SPRED3: variants seen among roughly 807,000 people sequenced by gnomAD.
The protein encoded by SPRED3 is sprouty-related, EVH1 domain-containing protein 3.
In SPRED3, 23 loss-of-function variants were observed where a neutral mutation model predicts 37.6. The observed-to-expected ratio is 0.61, with a 90% CI of 0.44 to 0.87. The LOEUF (loss-of-function observed/expected upper bound fraction) is 0.87, where lower values mean the gene tolerates loss of function less well. SPRED3 is among the 40% of genes least tolerant of loss of function. The pLI, the probability that SPRED3 is intolerant of heterozygous loss-of-function variation, is 0.00. For synonymous variants in SPRED3, 302 were observed against 279.6 expected, an observed-to-expected ratio of 1.08 and a Z score of -0.80; for missense variants, 584 against 618.6, an observed-to-expected ratio of 0.94 and a Z score of 0.59.
At position 38,396,138 on chromosome 19, in the gene SPRED3, C is replaced by A. The variant is rs1300125268; in HGVS notation, c.1226C>A (p.Ala409Glu). The stretch of plus-strand genomic sequence containing the variant: ...TGCGGGGGTCGCCACGAGGAGGCTG[C>A]GCGGTGAGGACGGCCTGGTGGGTCC... ...AGCGGRHEEA[A>E]R The change falls in exon 6 of 6, where the codon GCG (alanine) becomes GAG (glutamate). Residue 409 changes from alanine to glutamate, a missense_variant. Physicochemically the swap from Ala to Glu is moderately radical, Grantham distance 107. Around this residue, in one of 7 missense-constraint regions of SPRED3, gnomAD observed 85 missense variants for 117.8 expected, o/e 0.72. Coordinates refer to ENST00000691638, the MANE Select transcript of SPRED3 (RefSeq NM_001394336.1). 4 of 1,275,966 alleles carry A rather than the reference C, an allele frequency of 3.1e-6. No homozygotes were observed. The highest frequency in any genetic ancestry group is 3.9e-6 in the Non-Finnish European group (4 of 1,014,268). 79.0% of individuals were successfully genotyped at this position (1,275,966 alleles called of 1,614,324 possible). A position where few individuals can be genotyped will look rare whatever the true frequency, so the allele number is the denominator to read the frequency against.
At position 38,398,028 on chromosome 19, in the gene SPRED3, T is replaced by G. The variant is rs145804690; in HGVS notation, c.*1883T>G. 19 of 152,338 alleles carry G rather than the reference T, an allele frequency of 1.2e-4. No individual in the cohort carries two copies. In the East Asian group the frequency reaches 1.9e-3, roughly 15 times the overall value. The allele number at this position is 152,338 out of a possible 1,614,324, so 9.4% of individuals were successfully genotyped here. The stretch of plus-strand genomic sequence containing the variant: ...CACACAGCCCAGGGTTTCGAGGAGC[T>G]GGAAGTCACACCAGTCTGCTGGCCA... On this transcript the variant is annotated 3_prime_UTR_variant, in exon 6 of 6. Transcript: ENST00000691638.
intron 2 of SPRED3, 36 bp downstream of exon 2, chr19:38,390,515 C>T: frequency 3.1e-6 from 4 of 1,302,172 alleles, no homozygotes; most frequent in East Asian, 6.3e-5. Flanking sequence ...AGGGTAGGGA[C>T]CTGGGGAGGG....
intron 1 of SPRED3, chr19:38,389,643 A>C (rs1970800018): frequency 6.6e-6 from 1 of 151,880 alleles, no homozygotes; most frequent in South Asian, 2.1e-4. Flanking sequence ...CCCGTTTCTG[A>C]CTTCCTCTGC....
At position 38,394,467 on chromosome 19, in the gene SPRED3, G is replaced by A. The variant is rs1970868731; in HGVS notation, c.424-176G>A. 2.7e-6 allele frequency: 4 copies of A among 1,492,094 alleles called. No individual in the cohort carries two copies. In the Admixed American group the frequency reaches 5.0e-5, roughly 19 times the overall value. The allele number at this position is 1,492,094 out of a possible 1,614,324, so 92.4% of individuals were successfully genotyped here. A position where few individuals can be genotyped will look rare whatever the true frequency, so the allele number is the denominator to read the frequency against. On this transcript the variant is annotated intron_variant, in intron 4 of 5. Transcript: ENST00000691638. ...CCGTTTTACAGAGGAGGAAACTGAG[G>A]CTCAAAGAGGTGAGCTCACTTGCCG...
intron 1 of SPRED3, chr19:38,390,071 G>A (rs1047908870): frequency 2.5e-6 from 1 of 396,558 alleles, no homozygotes; most frequent in Non-Finnish European, 4.5e-6. Context: ...GGCAGACATG[G>A]AGAAGAAGAT....
Position 38,394,805 on chromosome 19 carries a change from G to C in SPRED3, c.567+19G>C. On this transcript the variant is annotated intron_variant, in intron 5 of 5. Coordinates refer to ENST00000691638, the MANE Select transcript of SPRED3 (RefSeq NM_001394336.1). ...CGCTCAGGTGCGACCTGGGAGCCTG[G>C]GGCTCCTGGGGGAATGGGGCGGTGC... is the stretch of plus-strand genomic sequence containing the variant. 6.5e-7 allele frequency: 1 copy of C among 1,531,234 alleles called. No individual in the cohort carries two copies. Among genetic ancestry groups the C allele is most frequent in the Non-Finnish European group, 8.8e-7 (1 of 1,141,782 alleles). 94.9% of individuals were successfully genotyped at this position (1,531,234 alleles called of 1,614,324 possible).
chr19:38,395,624 G>T lies in SPRED3; in HGVS notation c.712G>T (p.Val238Phe). ...CGCGCCCCTCGCCCTGTCCACCTGC[G>T]TCGTGCGCTTCGCCAAGACCGGCGC... ...PPAPLALSTCVVRFAKTGALR... is the reference protein window; with the variant it reads ...PPAPLALSTCFVRFAKTGALR... The change falls in exon 6 of 6, where the codon GTC becomes TTC. Residue 238 changes from valine to phenylalanine, a missense_variant. By Grantham distance (50) the Val-to-Phe change is conservative. This residue lies in a region of SPRED3 where 310 missense variants were observed against 281.1 expected (regional missense o/e 1.10). Transcript: ENST00000691638. This position sits in a 1 kb window ranked among gnomAD's most constrained non-coding sequence, Gnocchi z 5.2. 6.5e-7 allele frequency: 1 copy of T among 1,545,558 alleles called. No individual in the cohort carries two copies. The highest frequency in any genetic ancestry group is 1.2e-5 in the South Asian group (1 of 83,814).
In SPRED3 at chr19:38,390,428, G is replaced by A. The variant is rs747965300; in HGVS notation, c.126G>A (p.Gly42=). The change falls in exon 2 of 6, where the codon GGG becomes GGA. Residue 42 remains glycine (G), a synonymous_variant. Transcript: ENST00000691638. ...CRVRGARPEG[G]ARQGHYVIHG... ...TCCGAGGGGCCAGGCCCGAGGGGGG[G>A]GCCCGCCAGGGGCACTACGTCATCC... is the stretch of plus-strand genomic sequence containing the variant. 6 of 1,404,068 alleles carry A rather than the reference G, an allele frequency of 4.3e-6. No homozygotes were observed. Among genetic ancestry groups the A allele is most frequent in the Non-Finnish European group, 5.6e-6 (6 of 1,076,348 alleles). The allele number at this position is 1,404,068 out of a possible 1,614,324, so 87.0% of individuals were successfully genotyped here. A position where few individuals can be genotyped will look rare whatever the true frequency, so the allele number is the denominator to read the frequency against.
intron 5 of SPRED3, 39 bp downstream of exon 5, chr19:38,394,825 C>A: frequency 6.7e-7 from 1 of 1,500,810 alleles, no homozygotes. Flanking sequence ...GGGAATGGGG[C>A]GGTGCACTCG....
intron 2 of SPRED3, among the ~76,000 whole-genome samples, chr19:38,390,808 T>C: frequency 1.4e-5 from 1 of 71,940 alleles, no homozygotes; most frequent in African/African-American, 5.5e-5. Flanking sequence ...CCTCCTCTGC[T>C]CAAAACCCTC....
Position 38,388,791 on chromosome 19 carries a change from C to A in SPRED3, c.-21C>A. The A allele has an allele frequency of 2.5e-6, 1 of 398,202 alleles. No homozygotes were observed. The highest frequency in any genetic ancestry group is 4.4e-6 in the Non-Finnish European group (1 of 225,796). The allele number at this position is 398,202 out of a possible 1,614,324, so 24.7% of individuals were successfully genotyped here. A position where few individuals can be genotyped will look rare whatever the true frequency, so the allele number is the denominator to read the frequency against. ...GGCCGCGTCGCCGCCGCTCGGAGCC[C>A]GGCCGGAGCCTCGCAGGCAGGTGCC... On this transcript the variant is annotated 5_prime_UTR_variant, in exon 1 of 6. Coordinates refer to ENST00000691638, the MANE Select transcript of SPRED3 (RefSeq NM_001394336.1).
At chr19:38,390,040 A>C in intron 1 of SPRED3, 3 of 326,284 alleles carry the variant, frequency 9.2e-6, no homozygotes, top group Non-Finnish European at 1.1e-5. Flanking sequence ...AGATGGGGGA[A>C]AGGTGGGTAC....
chr19:38,390,259 A>G, intron 1 of SPRED3, 40 bp from the exon 2 acceptor site: 1 of 1,329,856 alleles, frequency 7.5e-7, no homozygotes, highest in Non-Finnish European at 9.7e-7. Flanking sequence ...GTTTGAGCTC[A>G]TGACTGTGTT....
Position 38,390,385 on chromosome 19 carries a change from A to G in SPRED3, c.83A>G (p.Gln28Arg). ...CCTGTGGGGGGCGGGGGCCTCAGCC[A>G]GGTGAGCGTGTGTCGGGTCCGAGGG... Reference protein sequence around the residue: ...WLPVGGGGLSQVSVCRVRGAR... With the variant: ...WLPVGGGGLSRVSVCRVRGAR... Residue 28 changes from glutamine to arginine, a missense_variant, in exon 2 of 6, where the codon CAG (glutamine) becomes CGG (arginine). By Grantham distance (43) the Gln-to-Arg change is conservative (BLOSUM62 1). This residue lies in a region of SPRED3 where 88 missense variants were observed against 77.0 expected (regional missense o/e 1.14). Transcript: ENST00000691638. 4.3e-6 allele frequency: 6 copies of G among 1,387,816 alleles called. No individual in the cohort carries two copies. The highest frequency in any genetic ancestry group is 1.9e-5 in the South Asian group (1 of 51,614). The allele number at this position is 1,387,816 out of a possible 1,614,324, so 86.0% of individuals were successfully genotyped here.
At position 38,396,201 on chromosome 19, in the gene SPRED3, A is replaced by T; in HGVS notation, c.*56A>T. On this transcript the variant is annotated 3_prime_UTR_variant, in exon 6 of 6. Coordinates refer to ENST00000691638, the MANE Select transcript of SPRED3 (RefSeq NM_001394336.1). ...GAGGACCCAAAATTGAGGGTCCAGGACCCCGGACTCCGTTCGGACCTAAAA... is the reference window on the plus strand; with the variant it reads ...GAGGACCCAAAATTGAGGGTCCAGGTCCCCGGACTCCGTTCGGACCTAAAA... 8.4e-7 allele frequency: 1 copy of T among 1,188,218 alleles called. No individual in the cohort carries two copies. Among genetic ancestry groups the T allele is most frequent in the East Asian group, 3.3e-5 (1 of 30,272 alleles). 73.6% of individuals were successfully genotyped at this position (1,188,218 alleles called of 1,614,324 possible).
At position 38,398,351 on chromosome 19, in the gene SPRED3, C is replaced by T. The variant is rs977462976; in HGVS notation, c.*2206C>T. 6.6e-6 allele frequency: 1 copy of T among 152,266 alleles called. No individual in the cohort carries two copies. Among genetic ancestry groups the T allele is most frequent in the Non-Finnish European group, 1.5e-5 (1 of 68,102 alleles). The allele number at this position is 152,266 out of a possible 1,614,324, so 9.4% of individuals were successfully genotyped here. ...TCCCGGGTTCAAGCCATTCGTCTGC[C>T]TCAGCCTCCCGAGTAGCTGGGATAA... On this transcript the variant is annotated 3_prime_UTR_variant, in exon 6 of 6. Transcript: ENST00000691638.
At chr19:38,390,614 C>A in intron 2 of SPRED3, 135 bp downstream of exon 2, 1 of 681,610 alleles carries the variant, frequency 1.5e-6, no homozygotes, top group Non-Finnish European at 2.2e-6. Context: ...GAGTGAATAT[C>A]TGTCCTGTAG....
chr19:38,390,352 G>T lies in SPRED3; in HGVS notation c.50G>T (p.Gly17Val). 4 of 1,385,872 alleles carry T rather than the reference G, an allele frequency of 2.9e-6. No homozygotes were observed. Among genetic ancestry groups the T allele is most frequent in the Non-Finnish European group, 3.8e-6 (4 of 1,063,878 alleles). The allele number at this position is 1,385,872 out of a possible 1,614,324, so 85.8% of individuals were successfully genotyped here. A position where few individuals can be genotyped will look rare whatever the true frequency, so the allele number is the denominator to read the frequency against. ...VVMARDDSSGGWLPVGGGGLS... is the reference protein window; with the variant it reads ...VVMARDDSSGVWLPVGGGGLS... ...ATGGCCCGAGATGACTCCAGTGGGG[G>T]CTGGCTGCCTGTGGGGGGCGGGGGC... The change falls in exon 2 of 6, where the codon GGC becomes GTC. Residue 17 changes from glycine (G) to valine (V), a missense_variant. Coordinates refer to ENST00000691638, the MANE Select transcript of SPRED3 (RefSeq NM_001394336.1).
At chr19:38,394,605 G>T in intron 4 of SPRED3, 38 bp from the exon 5 acceptor site, 2 of 1,568,690 alleles carry the variant, frequency 1.3e-6, no homozygotes, top group South Asian at 2.3e-5. Flanking sequence ...GGCTGTGCGG[G>T]GGCGTGTCCC....
Sources: gnomAD v4.1 joint callset for allele counts (sites outside exome capture counted in the v4.1 genomes callset) on GRCh38, gnomAD v4.1.1 for gene constraint, gnomAD v4.1.1 regional missense constraint, Gnocchi (gnomAD v3.1) non-coding constraint, MANE v1.5 for transcripts, NCBI Gene and HGNC (gene_info 2026-07-23, HGNC 2026-07-21) for gene names.